Variants in UMAD1 observed in about 807,000 individuals in gnomAD.
UMAD1 encodes the protein UBAP1-MVB12-associated (UMA)-domain containing protein 1.
Under a neutral mutation model 6.1 loss-of-function variants are expected in UMAD1, and 8 were observed. That is an observed-to-expected ratio of 1.30 (90% CI 0.76 to 2.35). The LOEUF is 2.35. Among genes scored for constraint, UMAD1 ranks in the 30% most tolerant of loss-of-function variants. The probability of loss-of-function intolerance (pLI) is 0.00; values close to 1 mark genes in which losing one functional copy is unlikely to be tolerated. For missense variants in UMAD1, 130 were observed against 78.4 expected (o/e 1.66, Z -2.49); for synonymous variants, 56 against 31.4 (o/e 1.78, Z -2.61).
chr7:7,726,169 T>C (rs1281676349), intron 2 of UMAD1, among the ~76,000 whole-genome samples: 1 of 152,238 alleles, frequency 6.6e-6, no homozygotes, highest in Admixed American at 6.5e-5. Flanking sequence ...TGGACCTGTC[T>C]GGTCAAAAAC....
intron 3 of UMAD1, among the ~76,000 whole-genome samples, chr7:7,860,183 T>C (rs1002163238): frequency 6.6e-6 from 1 of 152,204 alleles, no homozygotes; most frequent in South Asian, 2.1e-4. Context: ...ATTGAAATAG[T>C]GTCAATTATA....
chr7:7,829,530 A>G (rs1783419885), intron 3 of UMAD1, among the ~76,000 whole-genome samples: 1 of 152,038 alleles, frequency 6.6e-6, no homozygotes, highest in Admixed American at 6.6e-5. Context: ...AATGGACAAA[A>G]AAAGGAATGT....
chr7:7,799,416 T>C (rs1257738582), intron 2 of UMAD1, among the ~76,000 whole-genome samples: 7 of 152,228 alleles, frequency 4.6e-5, no homozygotes, highest in Non-Finnish European at 8.8e-5. Flanking sequence ...GCTGATAACC[T>C]TTCTGGTTTT....
intron 2 of UMAD1, among the ~76,000 whole-genome samples, chr7:7,741,592 A>ATAT: frequency 6.9e-6 from 1 of 145,666 alleles, no homozygotes; most frequent in South Asian, 2.1e-4. Flanking sequence ...AATAATAATA[A>ATAT]TAATAATAAT....
At chr7:7,781,635 T>C (rs950095845) in intron 2 of UMAD1, among the ~76,000 whole-genome samples, 2 of 152,096 alleles carry the variant, frequency 1.3e-5, no homozygotes, top group Non-Finnish European at 2.9e-5. Context: ...TATTTGTGAA[T>C]ATTTTATATT....
intron 2 of UMAD1, among the ~76,000 whole-genome samples, chr7:7,731,482 A>AACCCCCC (rs1781252794): frequency 8.9e-6 from 1 of 112,950 alleles, no homozygotes. Flanking sequence ...CAAACAAACA[A>AACCCCCC]CCCCCCCCCA....
intron 2 of UMAD1, among the ~76,000 whole-genome samples, chr7:7,694,468 C>T (rs1334099257): frequency 6.6e-6 from 1 of 152,094 alleles, no homozygotes; most frequent in Admixed American, 6.6e-5. Flanking sequence ...AATGCCAGAT[C>T]TTACTTATTG....
chr7:7,877,442 C>T lies in UMAD1; in HGVS notation c.318C>T (p.Asp106=). 1 of 717,704 alleles carries T rather than the reference C, an allele frequency of 1.4e-6. No individual in the cohort carries two copies. The highest frequency in any genetic ancestry group is 2.6e-6 in the Non-Finnish European group (1 of 385,138). 44.5% of individuals were successfully genotyped at this position (717,704 alleles called of 1,614,324 possible). The change falls in exon 4 of 4, where the codon GAC becomes GAT. Residue 106 remains aspartate (D), a synonymous_variant. Coordinates refer to ENST00000682710, the MANE Select transcript of UMAD1 (RefSeq NM_001302348.2). ...HVLAVQGTIT[D]LPDHLLSYDG... is the part of the protein sequence containing the mutation. ...TGGCAGTACAGGGCACCATCACTGA[C>T]CTTCCCGACCACTTACTCTCCTATG...
At chr7:7,827,038 C>T (rs1272746424) in intron 3 of UMAD1, among the ~76,000 whole-genome samples, 1 of 151,330 alleles carries the variant, frequency 6.6e-6, no homozygotes, top group African/African-American at 2.4e-5. Flanking sequence ...TAGTATGCCC[C>T]ATTTGCATAG....
rs1255183175 is a variant in UMAD1 at position 7,878,997 on chromosome 7, C to T, written c.*1459C>T. ...TGTAGTAGTTTTGTAAAAGAACATC[C>T]TTTTCAAATATCTGTGTTAATGTAC... On this transcript the variant is annotated 3_prime_UTR_variant, in exon 4 of 4. Transcript: ENST00000682710. 6.6e-6 allele frequency: 1 copy of T among 152,074 alleles called. No homozygotes were observed. The highest frequency in any genetic ancestry group is 2.4e-5 in the African/African-American group (1 of 41,422). 9.4% of individuals were successfully genotyped at this position (152,074 alleles called of 1,614,324 possible).
chr7:7,829,229 G>T (rs955565793), intron 3 of UMAD1, among the ~76,000 whole-genome samples: 2 of 152,202 alleles, frequency 1.3e-5, no homozygotes, highest in African/African-American at 4.8e-5. Flanking sequence ...CTTTCCTGAT[G>T]AACATTTTAA....
chr7:7,763,367 T>C (rs1307916429), intron 2 of UMAD1, among the ~76,000 whole-genome samples: 4 of 152,136 alleles, frequency 2.6e-5, no homozygotes, highest in Non-Finnish European at 5.9e-5. Context: ...ATCACCTGGG[T>C]AGTGACCCTA....
At chr7:7,760,960 A>G (rs999490458) in intron 2 of UMAD1, among the ~76,000 whole-genome samples, 2 of 152,182 alleles carry the variant, frequency 1.3e-5, no homozygotes, top group Non-Finnish European at 2.9e-5. Flanking sequence ...GCAAGATACT[A>G]TGTGAATCAG....
At chr7:7,838,882 C>T (rs780655701) in intron 3 of UMAD1, among the ~76,000 whole-genome samples, 10 of 151,778 alleles carry the variant, frequency 6.6e-5, no homozygotes, top group African/African-American at 1.2e-4. Flanking sequence ...CAAAGCTATC[C>T]GATATATTAT....
chr7:7,709,407 C>G (rs28912688), intron 2 of UMAD1, among the ~76,000 whole-genome samples: 7 of 152,196 alleles, frequency 4.6e-5, no homozygotes, highest in African/African-American at 9.7e-5. Context: ...TGTGGATAAG[C>G]TGGAGAGGTC....
intron 3 of UMAD1, among the ~76,000 whole-genome samples, chr7:7,838,046 G>A (rs1045292458): frequency 2.6e-4 from 40 of 152,040 alleles, no homozygotes; most frequent in Non-Finnish European, 3.7e-4. Flanking sequence ...AGTAAAAAAT[G>A]GACAGAAACA....
At chr7:7,676,751 G>A (rs1419738808) in intron 2 of UMAD1, among the ~76,000 whole-genome samples, 1 of 152,036 alleles carries the variant, frequency 6.6e-6, no homozygotes. Flanking sequence ...AGTTGAAATT[G>A]GAAGTTGGTA....
At chr7:7,678,192 T>A (rs965672605) in intron 2 of UMAD1, among the ~76,000 whole-genome samples, 5 of 151,974 alleles carry the variant, frequency 3.3e-5, no homozygotes, top group Non-Finnish European at 7.4e-5. Context: ...TGTACTAATT[T>A]ACATTCCTGC....
At chr7:7,789,619 T>C (rs55936445) in intron 2 of UMAD1, among the ~76,000 whole-genome samples, 60,991 of 144,934 alleles carry the variant, frequency 0.42, 13,035 homozygotes, top group African/African-American at 0.47. Flanking sequence ...ATACCCCTTC[T>C]CCCCTCCCCA....
Sources: gnomAD v4.1 joint callset for allele counts (sites outside exome capture counted in the v4.1 genomes callset) on GRCh38, gnomAD v4.1.1 for gene constraint, MANE v1.5 for transcripts, NCBI Gene and HGNC (gene_info 2026-07-23, HGNC 2026-07-21) for gene names.